Variants in ADARB2 observed in about 807,000 individuals in gnomAD.
ADARB2 encodes adenosine deaminase RNA specific B2 (inactive).
In ADARB2, 25 loss-of-function variants were observed where a neutral mutation model predicts 62.2. That is an observed-to-expected ratio of 0.40 (90% confidence interval 0.29 to 0.56). ADARB2 has a LOEUF of 0.56. Ranked by LOEUF, ADARB2 falls within the 20% of genes least tolerant of loss-of-function variation. The pLI, the probability that ADARB2 is intolerant of heterozygous loss-of-function variation, is 0.43. For missense variants in ADARB2, 1,071 were observed against 1,077.4 expected (o/e 0.99, Z 0.08); for synonymous variants, 572 against 500.8 (o/e 1.14, Z -1.90).
At position 1,605,927 on chromosome 10, in the gene ADARB2, A is replaced by G. The variant is rs538493749; in HGVS notation, c.100+131124T>C. Among the ~76,000 whole-genome samples the G allele has an allele frequency of 4.3e-3, 659 of 152,374 alleles. 3 individuals carry two copies. Among genetic ancestry groups the G allele is most frequent in the Non-Finnish European group, 7.1e-3 (480 of 68,044 alleles). On this transcript the variant is annotated intron_variant, in intron 1 of 9. Transcript: ENST00000381312. Reference sequence around the variant, plus strand: ...TATTGATTTTCATGACAAAATGTCCATAGAACAATCAGTTTGGGTGAACAG... The same window carrying G: ...TATTGATTTTCATGACAAAATGTCCGTAGAACAATCAGTTTGGGTGAACAG...
chr10:1,619,336 T>TA (rs1833681960), intron 1 of ADARB2, among the ~76,000 whole-genome samples: 1 of 151,080 alleles, frequency 6.6e-6, no homozygotes, highest in African/African-American at 2.4e-5. Flanking sequence ...ACAATGACTC[T>TA]AAAAAAACTA....
intron 1 of ADARB2, among the ~76,000 whole-genome samples, chr10:1,527,355 T>C (rs544793369): frequency 2.6e-4 from 40 of 152,382 alleles, no homozygotes; most frequent in Admixed American, 1.0e-3. Flanking sequence ...GGGAGTTTTC[T>C]TTCCTATGCC....
intron 1 of ADARB2, among the ~76,000 whole-genome samples, chr10:1,619,077 A>G (rs1425634485): frequency 1.3e-5 from 2 of 152,246 alleles, no homozygotes; most frequent in African/African-American, 2.4e-5. Flanking sequence ...TCAGTTATTC[A>G]GGAAGAGATT....
chr10:1,241,984 G>T, intron 5 of ADARB2, 147 bp downstream of exon 5: 1 of 880,318 alleles, frequency 1.1e-6, no homozygotes, highest in East Asian at 2.7e-5. Flanking sequence ...GATGTCTCTA[G>T]TCTGAATAAA....
At chr10:1,378,834 T>A (rs1171870444) in intron 2 of ADARB2, among the ~76,000 whole-genome samples, 1 of 152,118 alleles carries the variant, frequency 6.6e-6, no homozygotes, top group African/African-American at 2.4e-5. Context: ...GGATTCTGGG[T>A]GAGGACAGGA....
chr10:1,266,277 G>A (rs376938755), intron 4 of ADARB2, among the ~76,000 whole-genome samples: 6 of 152,242 alleles, frequency 3.9e-5, no homozygotes, highest in African/African-American at 1.2e-4. Context: ...CCAGCCTCGT[G>A]CCTGTAGGTC....
At chr10:1,728,964 T>C (rs1416636409) in intron 1 of ADARB2, among the ~76,000 whole-genome samples, 2 of 152,252 alleles carry the variant, frequency 1.3e-5, no homozygotes, top group African/African-American at 4.8e-5. Context: ...GTACTTTTCC[T>C]AGAACTCCAA....
intron 2 of ADARB2, among the ~76,000 whole-genome samples, chr10:1,377,759 C>T (rs1054962290): frequency 6.6e-6 from 1 of 152,086 alleles, no homozygotes; most frequent in Non-Finnish European, 1.5e-5. Context: ...TCCTCCTAAC[C>T]CCCTCCTTCC....
intron 1 of ADARB2, among the ~76,000 whole-genome samples, chr10:1,646,087 G>A (rs893473181): frequency 1.2e-4 from 19 of 152,312 alleles, no homozygotes; most frequent in Non-Finnish European, 2.4e-4. Context: ...GGCTCCCAGA[G>A]GGAAGATCCC....
chr10:1,693,215 C>T (rs1000747193), intron 1 of ADARB2, among the ~76,000 whole-genome samples: 1 of 152,172 alleles, frequency 6.6e-6, no homozygotes, highest in African/African-American at 2.4e-5. Flanking sequence ...GGTTTCTGAC[C>T]TGCAAGGGGC....
intron 1 of ADARB2, among the ~76,000 whole-genome samples, chr10:1,589,492 C>T (rs1045731224): frequency 1.3e-5 from 2 of 151,894 alleles, no homozygotes; most frequent in East Asian, 1.9e-4. Flanking sequence ...CATCCATGGT[C>T]AGGACATCCA....
rs372516885 is a variant in ADARB2 at position 1,542,779 on chromosome 10, G to T, written c.101-163619C>A. 2.6e-3 allele frequency among the ~76,000 whole-genome samples: 135 copies of T among 51,758 alleles called. 3 individuals are homozygous for T. Among genetic ancestry groups the T allele is most frequent in the African/African-American group, 9.4e-3 (117 of 12,466 alleles). 34.0% of individuals were successfully genotyped at this position (51,758 alleles called of 152,430 possible). A position where few individuals can be genotyped will look rare whatever the true frequency, so the allele number is the denominator to read the frequency against. On this transcript the variant is annotated intron_variant, in intron 1 of 9. Coordinates refer to ENST00000381312, the MANE Select transcript of ADARB2 (RefSeq NM_018702.4). The stretch of plus-strand genomic sequence containing the variant: ...GCCGCCCAGACCCCACTCAGACGCA[G>T]TTCAGACCCTGGATCACAGCCGCCC...
chr10:1,472,607 G>A (rs1286951136), intron 1 of ADARB2, among the ~76,000 whole-genome samples: 1 of 152,238 alleles, frequency 6.6e-6, no homozygotes, highest in Admixed American at 6.5e-5. Context: ...TGGTGGCCAT[G>A]GCCCAGCAGC....
intron 1 of ADARB2, among the ~76,000 whole-genome samples, chr10:1,647,643 T>A (rs935762214): frequency 2.0e-5 from 3 of 152,066 alleles, no homozygotes; most frequent in African/African-American, 7.2e-5. Context: ...GATATATATG[T>A]GTGGGGGTAT....
intron 1 of ADARB2, among the ~76,000 whole-genome samples, chr10:1,463,949 T>C (rs1222712565): frequency 2.0e-5 from 3 of 152,136 alleles, no homozygotes; most frequent in African/African-American, 7.2e-5. Context: ...CATCAGTCAT[T>C]AGGAAAGCGC....
chr10:1,407,176 A>G (rs887294301), intron 1 of ADARB2, among the ~76,000 whole-genome samples: 2 of 152,180 alleles, frequency 1.3e-5, no homozygotes, highest in Admixed American at 6.5e-5. Flanking sequence ...CAGGACTGGC[A>G]CAGACCGAGC....
Position 1,514,817 on chromosome 10 carries a change from C to G in ADARB2, c.101-135657G>C, listed in dbSNP as rs1433621703. ...ATCCTTTATGAAGAGGTTTTTACACCTTGCCAAGTACATGGAAAATTATGC... is the reference window on the plus strand; with the variant it reads ...ATCCTTTATGAAGAGGTTTTTACACGTTGCCAAGTACATGGAAAATTATGC... On this transcript the variant is annotated intron_variant, in intron 1 of 9. Transcript: ENST00000381312. 2.6e-5 allele frequency among the ~76,000 whole-genome samples: 4 copies of G among 152,098 alleles called. No individual in the cohort carries two copies. The South Asian group carries it at 8.3e-4, about 32-fold the overall frequency.
chr10:1,678,826 C>T (rs1834501000), intron 1 of ADARB2, among the ~76,000 whole-genome samples: 2 of 152,018 alleles, frequency 1.3e-5, no homozygotes, highest in African/African-American at 4.8e-5. Flanking sequence ...ACCAAGCCCC[C>T]TCTCCCGGGC....
Position 1,216,914 on chromosome 10 carries a change from G to A in ADARB2, c.1682+37C>T, listed in dbSNP as rs375409965. On this transcript the variant is annotated intron_variant, in intron 7 of 9. Transcript: ENST00000381312. ...TGGGGCTTGGCACTCCCCACCGGCCGCAGCCAACATCCTCGAGAGGAAGCC... is the reference window on the plus strand; with the variant it reads ...TGGGGCTTGGCACTCCCCACCGGCCACAGCCAACATCCTCGAGAGGAAGCC... The A allele has an allele frequency of 1.6e-4, 252 of 1,592,656 alleles. No homozygotes were observed. In the African/African-American group the frequency reaches 2.8e-3, roughly 18 times the overall value.
Sources: gnomAD v4.1 joint callset for allele counts (sites outside exome capture counted in the v4.1 genomes callset) on GRCh38, gnomAD v4.1.1 for gene constraint, MANE v1.5 for transcripts, NCBI Gene and HGNC (gene_info 2026-07-23, HGNC 2026-07-21) for gene names.